Variants in WASHC4 observed in about 807,000 individuals in gnomAD.
WASHC4 encodes the protein WASH complex subunit 7.
Under a neutral mutation model 166.6 loss-of-function variants are expected in WASHC4, and 86 were observed. The observed-to-expected ratio is 0.52, with a 90% CI of 0.43 to 0.62. The LOEUF is 0.62. Ranked by LOEUF, WASHC4 falls within the 20% of genes least tolerant of loss-of-function variation. The pLI is 0.00. For missense variants in WASHC4, 1,262 were observed against 1,382.4 expected (o/e 0.91, Z 1.38); for synonymous variants, 446 against 451.6 (o/e 0.99, Z 0.16).
chr12:105,156,204 T>C (rs1032834936), intron 26 of WASHC4, among the ~76,000 whole-genome samples: 11 of 152,142 alleles, frequency 7.2e-5, no homozygotes, highest in South Asian at 2.1e-4. Context: ...ATAGGCAAAA[T>C]TGGGGATAAA....
chr12:105,144,325 T>A lies in WASHC4; in HGVS notation c.2049T>A (p.Asp683Glu), dbSNP rs768006209. The A allele has an allele frequency of 3.8e-5, 61 of 1,613,080 alleles. No individual in the cohort carries two copies. The highest frequency in any genetic ancestry group is 4.7e-5 in the Non-Finnish European group (55 of 1,179,390). The change falls in exon 21 of 33, where the codon GAT (aspartate) becomes GAA (glutamate). Residue 683 changes from aspartate to glutamate, a missense_variant. Coordinates refer to ENST00000332180, the MANE Select transcript of WASHC4 (RefSeq NM_015275.3). ...LDKLCKEIEK[D>E]LRLSVHTHLK... is the part of the protein sequence containing the mutation. ...AATTATGCAAAGAAATAGAGAAAGA[T>A]CTGCGACTTTCTGTGCATACTCATT...
At chr12:105,130,842 G>A (rs1881734502) in intron 13 of WASHC4, among the ~76,000 whole-genome samples, 1 of 152,178 alleles carries the variant, frequency 6.6e-6, no homozygotes, top group African/African-American at 2.4e-5. Context: ...ACTGCCTTTA[G>A]AGGACAGAGG....
At chr12:105,142,397 A>G (rs2135795522) in intron 18 of WASHC4, 56 bp from the exon 19 acceptor site, 1 of 985,852 alleles carries the variant, frequency 1.0e-6, no homozygotes, top group Non-Finnish European at 1.6e-6. Context: ...CATTCCTTTC[A>G]TATTGTTTTG....
At chr12:105,156,275 G>C (rs1206096407) in intron 26 of WASHC4, among the ~76,000 whole-genome samples, 2 of 152,172 alleles carry the variant, frequency 1.3e-5, no homozygotes, top group Non-Finnish European at 2.9e-5. Flanking sequence ...AAAAGTGTAG[G>C]CATCGGATAA....
chr12:105,133,137 C>G (rs1882011371), intron 13 of WASHC4, among the ~76,000 whole-genome samples: 1 of 152,114 alleles, frequency 6.6e-6, no homozygotes, highest in Non-Finnish European at 1.5e-5. Flanking sequence ...CCACAAATCC[C>G]TTCCCCATCA....
At chr12:105,150,840 G>A (rs999490349) in intron 25 of WASHC4, among the ~76,000 whole-genome samples, 1 of 150,580 alleles carries the variant, frequency 6.6e-6, no homozygotes, top group Non-Finnish European at 1.5e-5. Flanking sequence ...ACAGGGTGAC[G>A]GGAAAGAATG....
rs1881254264 is a variant in WASHC4 at position 105,126,085 on chromosome 12, C to T, written c.868C>T (p.His290Tyr). ...KNSTFAEEFAHSIRSIFANVE... is the reference protein window; with the variant it reads ...KNSTFAEEFAYSIRSIFANVE... ...TAGTACTTTTGCTGAGGAATTTGCA[C>T]ATAGTATTCGGTCAATTTTTGCAAA... The change falls in exon 11 of 33, where the codon CAT becomes TAT. Residue 290 changes from histidine (H) to tyrosine (Y), a missense_variant. His to Tyr is a moderately conservative substitution (Grantham distance 83). Transcript: ENST00000332180. The T allele has an allele frequency of 6.2e-7, 1 of 1,612,866 alleles. No individual in the cohort carries two copies. The highest frequency in any genetic ancestry group is 1.1e-5 in the South Asian group (1 of 91,050).
intron 1 of WASHC4, among the ~76,000 whole-genome samples, chr12:105,110,916 T>C (rs563733109): frequency 6.6e-6 from 1 of 152,342 alleles, no homozygotes; most frequent in Admixed American, 6.5e-5. Context: ...TTATATATGG[T>C]AACATCTACT....
In WASHC4 at chr12:105,144,403, T is replaced by G; in HGVS notation, c.2127T>G (p.Leu709=). Residue 709 remains leucine (L), a synonymous_variant, in exon 21 of 33, where the codon CTT becomes CTG. Coordinates refer to ENST00000332180, the MANE Select transcript of WASHC4 (RefSeq NM_015275.3). Reference sequence around the variant, plus strand: ...AAGTTGGCATGAAAGACCTGGCTCTTTTTTTCTCTCTGAATCCAATTCGGT... The same window carrying G: ...AAGTTGGCATGAAAGACCTGGCTCTGTTTTTCTCTCTGAATCCAATTCGGT... ...PFKVGMKDLA[L]FFSLNPIRFF... 6.2e-7 allele frequency: 1 copy of G among 1,613,642 alleles called. No homozygotes were observed. Among genetic ancestry groups the G allele is most frequent in the Non-Finnish European group, 8.5e-7 (1 of 1,179,646 alleles).
In WASHC4 at chr12:105,163,194, G is replaced by A. The variant is rs562739108; in HGVS notation, c.3157+349G>A. ...AGGATGGTCTCGATCTCCTGACCTC[G>A]TGATCTGCCCGCCGCAGCCTCCCAA... On this transcript the variant is annotated intron_variant, in intron 30 of 32. Transcript: ENST00000332180. Among the ~76,000 whole-genome samples the A allele has an allele frequency of 2.0e-5, 3 of 152,138 alleles. No individual in the cohort carries two copies. In the South Asian group the frequency reaches 6.2e-4, roughly 32 times the overall value.
intron 2 of WASHC4, among the ~76,000 whole-genome samples, chr12:105,112,420 T>C (rs1466947076): frequency 6.6e-6 from 1 of 152,170 alleles, no homozygotes; most frequent in Non-Finnish European, 1.5e-5. Flanking sequence ...GTGTGTATAT[T>C]TTATACATAT....
At chr12:105,143,082 G>T in intron 19 of WASHC4, 45 bp from the exon 20 acceptor site, 1 of 1,184,664 alleles carries the variant, frequency 8.4e-7, no homozygotes, top group South Asian at 1.2e-5. Context: ...TTAGATTAGA[G>T]ACCTGGTTTT....
intron 28 of WASHC4, among the ~76,000 whole-genome samples, chr12:105,159,340 G>A (rs1884353392): frequency 1.3e-5 from 2 of 152,162 alleles, no homozygotes; most frequent in Non-Finnish European, 2.9e-5. Flanking sequence ...GAAATGTAGG[G>A]TCATGATAAT....
chr12:105,143,847 C>T (rs1388454026), intron 20 of WASHC4, among the ~76,000 whole-genome samples: 2 of 151,910 alleles, frequency 1.3e-5, no homozygotes, highest in East Asian at 1.9e-4. Context: ...TCTTGTATTA[C>T]GTATTCTTAT....
chr12:105,144,918 T>TAAC (rs778486672), intron 22 of WASHC4, 46 bp downstream of exon 22: 1 of 1,562,222 alleles, frequency 6.4e-7, no homozygotes, highest in East Asian at 2.2e-5. Flanking sequence ...CTGTTGGCTG[T>TAAC]AACAGTACTT....
intron 7 of WASHC4, among the ~76,000 whole-genome samples, chr12:105,119,184 A>G (rs1197169641): frequency 1.3e-5 from 2 of 152,116 alleles, no homozygotes; most frequent in African/African-American, 4.8e-5. Context: ...GCCTCATGGA[A>G]TTGGTGCTCG....
chr12:105,132,923 C>G (rs1881990697), intron 13 of WASHC4, among the ~76,000 whole-genome samples: 1 of 151,942 alleles, frequency 6.6e-6, no homozygotes, highest in Non-Finnish European at 1.5e-5. Flanking sequence ...TGTTCCTATT[C>G]TGGTTCAGGC....
At chr12:105,126,835 A>G (rs1485511638) in intron 12 of WASHC4, among the ~76,000 whole-genome samples, 1 of 152,068 alleles carries the variant, frequency 6.6e-6, no homozygotes. Flanking sequence ...AAAAGACATG[A>G]AGATTCAAGT....
At chr12:105,139,501 G>T (rs950429008) in intron 15 of WASHC4, among the ~76,000 whole-genome samples, 3 of 139,646 alleles carry the variant, frequency 2.1e-5, no homozygotes, top group African/African-American at 7.9e-5. Context: ...AAATAAAATT[G>T]TATTTCCAAT....
Sources: gnomAD v4.1 joint callset for allele counts (sites outside exome capture counted in the v4.1 genomes callset) on GRCh38, gnomAD v4.1.1 for gene constraint, MANE v1.5 for transcripts, NCBI Gene and HGNC (gene_info 2026-07-23, HGNC 2026-07-21) for gene names.